GALNT13: variants seen among roughly 807,000 people sequenced by gnomAD.
GALNT13 encodes polypeptide N-acetylgalactosaminyltransferase 13, also known as UDP-GalNAc:polypeptide N-acetylgalactosaminyltransferase 13.
GALNT13 carries 28 observed loss-of-function variants against 64.2 expected under a neutral mutation model. That is an observed-to-expected ratio of 0.44 (90% confidence interval 0.32 to 0.60). The LOEUF is 0.60. Among genes scored for constraint, GALNT13 ranks in the 20% least tolerant of loss-of-function variants. The probability of loss-of-function intolerance (pLI) is 0.05; values close to 1 mark genes in which losing one functional copy is unlikely to be tolerated. For missense variants in GALNT13, 577 were observed against 669.8 expected, an observed-to-expected ratio of 0.86 and a Z score of 1.53; for synonymous variants, 214 against 224.6, an observed-to-expected ratio of 0.95 and a Z score of 0.42.
intron 3 of GALNT13, among the ~76,000 whole-genome samples, chr2:154,000,440 T>C (rs561045674): frequency 9.9e-5 from 15 of 152,184 alleles, no homozygotes; most frequent in African/African-American, 3.6e-4. Context: ...TGTAGAATTA[T>C]GTTGCTCTAA....
the GALNT13 span, among the ~76,000 whole-genome samples, chr2:153,554,173 A>C: frequency 6.6e-6 from 1 of 151,690 alleles, no homozygotes; most frequent in Non-Finnish European, 1.5e-5. Flanking sequence ...AAAAAAAAAA[A>C]AAAATTAGCC....
chr2:154,393,788 G>A (rs1364467733), intron 9 of GALNT13, among the ~76,000 whole-genome samples: 2 of 152,078 alleles, frequency 1.3e-5, no homozygotes, highest in Non-Finnish European at 2.9e-5. Flanking sequence ...CATATAAAAT[G>A]GTATGCAAGG....
At chr2:153,725,560 G>C in the GALNT13 span, among the ~76,000 whole-genome samples, 1 of 151,732 alleles carries the variant, frequency 6.6e-6, no homozygotes, top group African/African-American at 2.4e-5. Context: ...TAAAATAATG[G>C]GAAGCTTTTA....
At chr2:153,805,141 G>A in the GALNT13 span, among the ~76,000 whole-genome samples, 1 of 151,532 alleles carries the variant, frequency 6.6e-6, no homozygotes, top group Admixed American at 6.6e-5. Flanking sequence ...AATTTAAAAA[G>A]AAATGAAAAG....
At chr2:154,304,560 G>A (rs544761610) in intron 9 of GALNT13, among the ~76,000 whole-genome samples, 1 of 152,276 alleles carries the variant, frequency 6.6e-6, no homozygotes, top group East Asian at 1.9e-4. Context: ...GAAAAGTAAT[G>A]TGCTAGTCTT....
chr2:153,884,827 A>ATATG (rs1553450609), intron 1 of GALNT13, among the ~76,000 whole-genome samples: 39 of 111,896 alleles, frequency 3.5e-4, no homozygotes, highest in Admixed American at 5.3e-4. Context: ...GTGTATATAT[A>ATATG]TGTGTGTGTG....
At chr2:153,451,220 G>T in the GALNT13 span, among the ~76,000 whole-genome samples, 1 of 152,146 alleles carries the variant, frequency 6.6e-6, no homozygotes, top group Non-Finnish European at 1.5e-5. Flanking sequence ...TTAGTAAATT[G>T]TGTGTTCCTT....
the GALNT13 span, among the ~76,000 whole-genome samples, chr2:153,592,388 A>G: frequency 6.6e-6 from 1 of 152,168 alleles, no homozygotes; most frequent in Non-Finnish European, 1.5e-5. Context: ...TTGCAGTGGA[A>G]TGTCTATCAC....
chr2:153,534,426 A>G, the GALNT13 span, among the ~76,000 whole-genome samples: 1 of 152,096 alleles, frequency 6.6e-6, no homozygotes, highest in East Asian at 1.9e-4. Flanking sequence ...TTTAGATGAA[A>G]CAGGACGGCT....
At chr2:153,864,090 A>G in the GALNT13 span, among the ~76,000 whole-genome samples, 1 of 152,176 alleles carries the variant, frequency 6.6e-6, no homozygotes, top group South Asian at 2.1e-4. Flanking sequence ...CAGTAGTATA[A>G]TAAGTCTTTT....
At chr2:153,651,154 C>T in the GALNT13 span, among the ~76,000 whole-genome samples, 6 of 150,006 alleles carry the variant, frequency 4.0e-5, no homozygotes, top group African/African-American at 1.5e-4. Flanking sequence ...TTTAAGTATT[C>T]GTACCACAAT....
At chr2:154,227,526 T>C (rs2105837862) in intron 4 of GALNT13, among the ~76,000 whole-genome samples, 1 of 124,990 alleles carries the variant, frequency 8.0e-6, no homozygotes, top group Admixed American at 1.0e-4. Flanking sequence ...TTCCCCTTCC[T>C]GTGTCCATGT....
chr2:154,068,579 C>A (rs559345525), intron 3 of GALNT13, among the ~76,000 whole-genome samples: 6 of 151,946 alleles, frequency 3.9e-5, no homozygotes, highest in African/African-American at 9.6e-5. Flanking sequence ...GGTTATTATG[C>A]AAATGAATTG....
At chr2:153,557,431 C>T in the GALNT13 span, among the ~76,000 whole-genome samples, 1 of 152,194 alleles carries the variant, frequency 6.6e-6, no homozygotes. Context: ...TGACAACTCC[C>T]TCTGCCTTAC....
chr2:153,624,568 A>G, the GALNT13 span, among the ~76,000 whole-genome samples: 2 of 152,126 alleles, frequency 1.3e-5, no homozygotes, highest in African/African-American at 4.8e-5. Context: ...GAAGACATGC[A>G]ACAGAGCCAA....
At chr2:154,245,172 CTTTCCCTATCTTAA>C (rs371710391) in intron 6 of GALNT13, among the ~76,000 whole-genome samples, 3,175 of 151,822 alleles carry the variant, frequency 0.021, 80 homozygotes, top group African/African-American at 0.064. Context: ...AGTTGCTTAT[CTTTCCCTATCTTAA>C]GCTATCATCT....
chr2:153,502,453 G>GAT, the GALNT13 span, among the ~76,000 whole-genome samples: 7 of 152,144 alleles, frequency 4.6e-5, no homozygotes, highest in Non-Finnish European at 8.8e-5. Flanking sequence ...AATATTCCAT[G>GAT]ATATATATAC....
chr2:153,333,620 GT>G, the GALNT13 span, among the ~76,000 whole-genome samples: 1 of 151,984 alleles, frequency 6.6e-6, no homozygotes, highest in Non-Finnish European at 1.5e-5. Flanking sequence ...GATCTGTGCC[GT>G]TACATAACTC....
At chr2:153,749,047 G>T in the GALNT13 span, among the ~76,000 whole-genome samples, 6 of 151,908 alleles carry the variant, frequency 3.9e-5, no homozygotes, top group African/African-American at 1.4e-4. Context: ...TTCTACATAT[G>T]AATATCCAGT....
Sources: allele counts gnomAD v4.1 joint callset (sites outside exome capture counted in the v4.1 genomes callset), GRCh38; gene constraint gnomAD v4.1.1; transcripts MANE v1.5; gene names NCBI Gene and HGNC (gene_info 2026-07-23, HGNC 2026-07-21).